Variants in CSDC2 observed in about 807,000 individuals in gnomAD.
CSDC2 encodes cold shock domain containing C2.
CSDC2 carries 8 observed loss-of-function variants against 15.8 expected under a neutral mutation model. The observed-to-expected ratio is 0.51, with a 90% confidence interval of 0.30 to 0.92. The LOEUF is 0.92. CSDC2 is among the 40% of genes least tolerant of loss of function. CSDC2 has a pLI of 0.07. For missense variants in CSDC2, 195 were observed against 213.3 expected (o/e 0.91, Z 0.53); for synonymous variants, 96 against 92.3 (o/e 1.04, Z -0.23).
intron 1 of CSDC2, among the ~76,000 whole-genome samples, chr22:41,565,915 C>T (rs972297513): frequency 1.3e-5 from 2 of 152,214 alleles, no homozygotes; most frequent in East Asian, 3.9e-4. Flanking sequence ...GCACACTCGC[C>T]GGGGGGCCTT....
In CSDC2 at chr22:41,575,061, A is replaced by AC; in HGVS notation, c.*169dup. On this transcript the variant is annotated 3_prime_UTR_variant, in exon 4 of 4. Coordinates refer to ENST00000306149, the MANE Select transcript of CSDC2 (RefSeq NM_014460.4). ...CTTGTGGCTATGAGCGTGTGCCTCCACCCACCCCACGACCCGTGACTACTG... is the reference window on the plus strand; with the variant it reads ...CTTGTGGCTATGAGCGTGTGCCTCCACCCCACCCCACGACCCGTGACTACTG... The AC allele has an allele frequency of 1.2e-6, 1 of 833,424 alleles. No individual in the cohort carries two copies. Among genetic ancestry groups the AC allele is most frequent in the Non-Finnish European group, 1.8e-6 (1 of 546,640 alleles). 51.6% of individuals were successfully genotyped at this position (833,424 alleles called of 1,614,324 possible).
intron 2 of CSDC2, among the ~76,000 whole-genome samples, 185 bp downstream of exon 2, chr22:41,572,326 A>C (rs2067149284): frequency 9.9e-6 from 1 of 100,548 alleles, no homozygotes; most frequent in African/African-American, 5.2e-5. Flanking sequence ...CCATCCATCC[A>C]TCCATCCATC....
chr22:41,574,014 C>T (rs554645706), intron 3 of CSDC2, among the ~76,000 whole-genome samples: 1 of 152,328 alleles, frequency 6.6e-6, no homozygotes, highest in African/African-American at 2.4e-5. Context: ...GATCCTGTTA[C>T]AGCATCGTGG....
intron 1 of CSDC2, among the ~76,000 whole-genome samples, chr22:41,570,093 C>T (rs1206194537): frequency 1.3e-5 from 2 of 152,118 alleles, no homozygotes; most frequent in African/African-American, 4.8e-5. Context: ...TGTGTGGTTG[C>T]TTCTTGAAGC....
intron 1 of CSDC2, among the ~76,000 whole-genome samples, chr22:41,566,678 G>A (rs1356659285): frequency 2.0e-5 from 3 of 148,262 alleles, no homozygotes; most frequent in African/African-American, 7.5e-5. Flanking sequence ...AGTGGCTCAC[G>A]CCTGTAATCC....
chr22:41,570,348 G>A (rs989212572), intron 1 of CSDC2, among the ~76,000 whole-genome samples: 3 of 152,266 alleles, frequency 2.0e-5, no homozygotes, highest in African/African-American at 7.2e-5. Context: ...CAGCATCTTG[G>A]TTCAGAAAAA....
At chr22:41,566,144 A>T (rs1288724053) in intron 1 of CSDC2, among the ~76,000 whole-genome samples, 51 of 74,494 alleles carry the variant, frequency 6.8e-4, no homozygotes, top group Non-Finnish European at 9.1e-4. Context: ...ATCTCTGATT[A>T]AAAAAAAAAA....
intron 1 of CSDC2, among the ~76,000 whole-genome samples, chr22:41,562,059 G>A (rs1387009245): frequency 3.9e-5 from 6 of 152,304 alleles, no homozygotes; most frequent in East Asian, 1.9e-4. Context: ...GACACAGAGC[G>A]AGAACAATAA....
At chr22:41,563,755 A>G (rs2067099185) in intron 1 of CSDC2, among the ~76,000 whole-genome samples, 1 of 151,892 alleles carries the variant, frequency 6.6e-6, no homozygotes, top group Non-Finnish European at 1.5e-5. Flanking sequence ...CACCTCTCTG[A>G]GCCTCAGTTT....
intron 1 of CSDC2, among the ~76,000 whole-genome samples, chr22:41,564,559 C>T (rs955333930): frequency 5.9e-5 from 9 of 152,154 alleles, no homozygotes; most frequent in Non-Finnish European, 1.3e-4. Flanking sequence ...CACTCTTGGC[C>T]CCCAAGCTGC....
intron 1 of CSDC2, among the ~76,000 whole-genome samples, chr22:41,570,152 C>T (rs1226327810): frequency 1.3e-5 from 2 of 152,180 alleles, no homozygotes; most frequent in South Asian, 2.1e-4. Flanking sequence ...AAAGGCCAAA[C>T]CTGGTTTGCC....
intron 2 of CSDC2, among the ~76,000 whole-genome samples, chr22:41,572,908 C>A (rs2067155280): frequency 6.6e-6 from 1 of 152,172 alleles, no homozygotes; most frequent in Non-Finnish European, 1.5e-5. Context: ...CAGGGTCTCG[C>A]TCTGTTGCCC....
intron 2 of CSDC2, among the ~76,000 whole-genome samples, chr22:41,572,379 CCCACCCACCCATCCATCCATCCAT>C (rs2067150922): frequency 2.3e-5 from 1 of 43,538 alleles, no homozygotes; most frequent in African/African-American, 1.2e-4. Flanking sequence ...CACCCACCCA[CCCACCCACCCATCCATCCATCCAT>C]CCATCCATCC....
At chr22:41,574,092 A>G (rs1440016423) in intron 3 of CSDC2, among the ~76,000 whole-genome samples, 1 of 152,152 alleles carries the variant, frequency 6.6e-6, no homozygotes, top group East Asian at 1.9e-4. Flanking sequence ...TGGGTGGGCC[A>G]GGAGGTAGAG....
In CSDC2 at chr22:41,574,789, C is replaced by T. The variant is rs1474280345; in HGVS notation, c.356C>T (p.Pro119Leu). ...GACGAGGTGACCTACAAGATGTGCC[C>T]TATCCCTCCCAAGAACCAGAAGTTC... ...EGDEVTYKMC[P>L]IPPKNQKFQA... Residue 119 changes from proline to leucine, a missense_variant, in exon 4 of 4, where the codon CCT becomes CTT. By Grantham distance (98) the Pro-to-Leu change is moderately conservative. Coordinates refer to ENST00000306149, the MANE Select transcript of CSDC2 (RefSeq NM_014460.4). 1.9e-6 allele frequency: 3 copies of T among 1,613,882 alleles called. No individual in the cohort carries two copies. Among genetic ancestry groups the T allele is most frequent in the East Asian group, 4.5e-5 (2 of 44,882 alleles).
At position 41,571,911 on chromosome 22, in the gene CSDC2, C is replaced by A. The variant is rs1210282044; in HGVS notation, c.-55C>A. ...GGCCCTGCCCGCAAGGACGACCAAA[C>A]CCCTCACCGGCCCCTGGGCCCCAGA... On this transcript the variant is annotated 5_prime_UTR_variant, in exon 2 of 4. Coordinates refer to ENST00000306149, the MANE Select transcript of CSDC2 (RefSeq NM_014460.4). 6 of 1,205,652 alleles carry A rather than the reference C, an allele frequency of 5.0e-6. No homozygotes were observed. Among genetic ancestry groups the A allele is most frequent in the South Asian group, 5.5e-5 (2 of 36,256 alleles). 74.7% of individuals were successfully genotyped at this position (1,205,652 alleles called of 1,614,324 possible).
chr22:41,563,399 G>A (rs1027049436), intron 1 of CSDC2, among the ~76,000 whole-genome samples: 58 of 152,262 alleles, frequency 3.8e-4, no homozygotes, highest in African/African-American at 1.2e-3. Context: ...CCCTTCCAGC[G>A]TCATCCTTGT....
At chr22:41,571,559 C>G (rs1057468946) in intron 1 of CSDC2, among the ~76,000 whole-genome samples, 1 of 152,160 alleles carries the variant, frequency 6.6e-6, no homozygotes, top group African/African-American at 2.4e-5. Context: ...AAACAACTGA[C>G]CCTTATGCCG....
chr22:41,571,611 C>T (rs532946436), intron 1 of CSDC2, among the ~76,000 whole-genome samples: 47 of 152,322 alleles, frequency 3.1e-4, no homozygotes, highest in African/African-American at 1.0e-3. Context: ...ACCCAGCCAC[C>T]TCCCAGGCCC....
Sources: gnomAD v4.1 joint callset for allele counts (sites outside exome capture counted in the v4.1 genomes callset) on GRCh38, gnomAD v4.1.1 for gene constraint, MANE v1.5 for transcripts, NCBI Gene and HGNC (gene_info 2026-07-23, HGNC 2026-07-21) for gene names.